CRYBB2: variants seen among roughly 807,000 people sequenced by gnomAD.
CRYBB2 encodes the protein beta-crystallin B2.
Under a neutral mutation model 24.3 loss-of-function variants are expected in CRYBB2, and 12 were observed. The ratio of observed to expected loss-of-function variants is 0.49; its 90% confidence interval spans 0.32 to 0.80. The LOEUF (loss-of-function observed/expected upper bound fraction) is 0.80. Among genes scored for constraint, CRYBB2 ranks in the 30% least tolerant of loss-of-function variants. The pLI is 0.04. For synonymous variants in CRYBB2, 98 were observed against 101.6 expected, an observed-to-expected ratio of 0.96 and a Z score of 0.21; for missense variants, 198 against 268.5, an observed-to-expected ratio of 0.74 and a Z score of 1.83.
rs1226336552 is a variant in CRYBB2, at chr22:25,225,044, C to G, written c.173+8C>G. 2 of 1,463,008 alleles carry G rather than the reference C, an allele frequency of 1.4e-6. No homozygotes were observed. The highest frequency in any genetic ancestry group is 2.3e-5 in the South Asian group (2 of 88,122). The allele number at this position is 1,463,008 out of a possible 1,614,324, so 90.6% of individuals were successfully genotyped here. On this transcript the variant is annotated splice_region_variant and intron_variant, in intron 3 of 5. Coordinates refer to ENST00000398215, the MANE Select transcript of CRYBB2 (RefSeq NM_000496.3). Reference sequence around the variant, plus strand: ...CCTAGTGCAGGCTGGACCGTAAGTACCTGGGTGGCCTCTCCTGGTCAGGGA... The same window carrying G: ...CCTAGTGCAGGCTGGACCGTAAGTAGCTGGGTGGCCTCTCCTGGTCAGGGA...
chr22:25,229,012 G>A (rs1306741333), intron 4 of CRYBB2, among the ~76,000 whole-genome samples: 1 of 148,252 alleles, frequency 6.7e-6, no homozygotes, highest in Non-Finnish European at 1.5e-5. Context: ...GTGTGCAAGT[G>A]TGGGTGTGCA....
At chr22:25,218,196 T>A (rs911977615), upstream of CRYBB2, among the ~76,000 whole-genome samples, 1 of 151,672 alleles carries the variant, frequency 6.6e-6, no homozygotes, top group Non-Finnish European at 1.5e-5. Context: ...GAGGCAGAGC[T>A]TGCAGTGAGC....
chr22:25,218,075 C>G (rs1340681631), upstream of CRYBB2, among the ~76,000 whole-genome samples: 1 of 151,476 alleles, frequency 6.6e-6, no homozygotes. Context: ...CTGGCTAACA[C>G]AGTGAAACAC....
chr22:25,218,736 G>A (rs982141687), upstream of CRYBB2, among the ~76,000 whole-genome samples: 45 of 35,302 alleles, frequency 1.3e-3, 1 homozygote, highest in East Asian at 8.9e-3. Flanking sequence ...GAGAGAGAGG[G>A]GAGAGAGAGA....
rs1203899527 is a variant in CRYBB2 at position 25,221,442 on chromosome 22, C to G, written c.13C>G (p.His5Asp). 1 of 1,613,932 alleles carries G rather than the reference C, an allele frequency of 6.2e-7. No homozygotes were observed. The highest frequency in any genetic ancestry group is 8.5e-7 in the Non-Finnish European group (1 of 1,179,798). ...AGGACAGTCCACCATGGCCTCAGATCACCAGACCCAGGCGGGCAAGCCACA... is the reference window on the plus strand; with the variant it reads ...AGGACAGTCCACCATGGCCTCAGATGACCAGACCCAGGCGGGCAAGCCACA... The part of the protein sequence containing the change: MASD[H>D]QTQAGKPQSL... Residue 5 changes from histidine (H) to aspartate (D), a missense_variant, in exon 2 of 6, where the codon CAC becomes GAC. His to Asp is a moderately conservative substitution (Grantham distance 81). Transcript: ENST00000398215.
chr22:25,214,308 A>G (rs1303405800), intron 1 of CRYBB2, among the ~76,000 whole-genome samples: 1 of 152,222 alleles, frequency 6.6e-6, no homozygotes, highest in Non-Finnish European at 1.5e-5. Flanking sequence ...ACCATGCTCC[A>G]GCCTGGGCAG....
At chr22:25,212,452 T>C (rs1441313927), upstream of CRYBB2, among the ~76,000 whole-genome samples, 2 of 152,212 alleles carry the variant, frequency 1.3e-5, no homozygotes, top group Non-Finnish European at 2.9e-5. Flanking sequence ...GAGAGCTGGC[T>C]CTGTGGTCAC....
chr22:25,224,205 G>T (rs1250178007), intron 2 of CRYBB2, among the ~76,000 whole-genome samples: 1 of 151,610 alleles, frequency 6.6e-6, no homozygotes, highest in Non-Finnish European at 1.5e-5. Context: ...GTGGGATGTT[G>T]GGTGGGTCCC....
In CRYBB2 at chr22:25,229,968, C is replaced by T. The variant is rs547817436; in HGVS notation, c.449+390C>T. 8.0e-5 allele frequency among the ~76,000 whole-genome samples: 12 copies of T among 150,828 alleles called. No individual in the cohort carries two copies. In the East Asian group the frequency reaches 1.7e-3, roughly 22 times the overall value. ...AGGACCAGCCCATGCTGCCTTTGAC[C>T]GCGTGTGTCCCTAAGTTTGGGAACA... On this transcript the variant is annotated intron_variant, in intron 5 of 5. Transcript: ENST00000398215.
chr22:25,215,677 A>G (rs1935160293), upstream of CRYBB2, among the ~76,000 whole-genome samples: 1 of 152,228 alleles, frequency 6.6e-6, no homozygotes, highest in East Asian at 1.9e-4. Context: ...AGAGCTCAGT[A>G]GGAAGCTTTA....
intron 4 of CRYBB2, 102 bp from the exon 5 acceptor site, chr22:25,229,334 G>A: frequency 6.6e-7 from 1 of 1,515,224 alleles, no homozygotes; most frequent in Non-Finnish European, 9.0e-7. Context: ...AGAGTGATGT[G>A]TGGGACATGC....
intron 3 of CRYBB2, 38 bp downstream of exon 3, chr22:25,225,074 G>C (rs756415178): frequency 1.8e-6 from 2 of 1,108,384 alleles, no homozygotes; most frequent in Non-Finnish European, 2.8e-6. Context: ...CAGGGACTTT[G>C]GGTGAGGTGA....
intron 2 of CRYBB2, among the ~76,000 whole-genome samples, 169 bp from the exon 3 acceptor site, chr22:25,224,749 G>A (rs1935382849): frequency 6.6e-6 from 1 of 152,126 alleles, no homozygotes; most frequent in South Asian, 2.1e-4. Context: ...AAGGTCCCAC[G>A]GCTGCTTATA....
chr22:25,225,504 A>C (rs1935396411), intron 3 of CRYBB2, among the ~76,000 whole-genome samples: 1 of 150,800 alleles, frequency 6.6e-6, no homozygotes, highest in African/African-American at 2.5e-5. Flanking sequence ...AATCCTGACA[A>C]TGCTGGGTCT....
At chr22:25,214,274 C>T (rs1326763561) in intron 1 of CRYBB2, among the ~76,000 whole-genome samples, 1 of 152,162 alleles carries the variant, frequency 6.6e-6, no homozygotes, top group Non-Finnish European at 1.5e-5. Context: ...GCAGTTGGAG[C>T]CTGCATTGAG....
intron 5 of CRYBB2, 70 bp from the exon 6 acceptor site, chr22:25,231,534 T>C: frequency 6.9e-7 from 1 of 1,454,466 alleles, no homozygotes; most frequent in South Asian, 1.1e-5. Context: ...CTCTCTCCCC[T>C]CGCCTCTCTC....
intron 5 of CRYBB2, among the ~76,000 whole-genome samples, chr22:25,230,157 T>G (rs1448016398): frequency 7.7e-6 from 1 of 129,680 alleles, no homozygotes; most frequent in African/African-American, 3.6e-5. Flanking sequence ...GTAAGAACTT[T>G]TTTTTTTTTT....
chr22:25,220,701 G>C (rs1010685573), intron 1 of CRYBB2, among the ~76,000 whole-genome samples: 2 of 152,182 alleles, frequency 1.3e-5, no homozygotes, highest in Non-Finnish European at 2.9e-5. Flanking sequence ...CTGCAGGAAG[G>C]GGGAAGAGGC....
At chr22:25,218,273 TAGAA>T (rs1916604867), upstream of CRYBB2, among the ~76,000 whole-genome samples, 1 of 122,192 alleles carries the variant, frequency 8.2e-6, no homozygotes, top group Admixed American at 8.1e-5. Context: ...AAAAAAAAAA[TAGAA>T]AAGAAATGTG....
Sources: allele counts gnomAD v4.1 joint callset (sites outside exome capture counted in the v4.1 genomes callset), GRCh38; gene constraint gnomAD v4.1.1; transcripts MANE v1.5; gene names NCBI Gene and HGNC (gene_info 2026-07-23, HGNC 2026-07-21).